Variants in LAMA4 observed in about 807,000 individuals in gnomAD.
The protein encoded by LAMA4 is laminin subunit alpha-4.
A neutral mutation model predicts 207.1 loss-of-function variants in LAMA4; 127 were observed. That is an observed-to-expected ratio of 0.61 (90% confidence interval 0.53 to 0.71). LAMA4 has a LOEUF of 0.71. Among genes scored for constraint, LAMA4 ranks in the 30% least tolerant of loss-of-function variants. The probability of loss-of-function intolerance (pLI) is 0.00; values close to 1 mark genes in which losing one functional copy is unlikely to be tolerated. For missense variants in LAMA4, 2,093 were observed against 2,246.5 expected, an observed-to-expected ratio of 0.93 and a Z score of 1.38; for synonymous variants, 761 against 816.0, an observed-to-expected ratio of 0.93 and a Z score of 1.15.
intron 2 of LAMA4, chr6:112,234,322 GT>G (rs1204754220): frequency 6.6e-6 from 1 of 151,904 alleles, no homozygotes; most frequent in Non-Finnish European, 1.5e-5. Context: ...GGTGCACCTG[GT>G]TTTTCAATAC....
chr6:112,203,387 A>G (rs1783872501), intron 4 of LAMA4, among the ~76,000 whole-genome samples: 3 of 152,228 alleles, frequency 2.0e-5, no homozygotes, highest in Non-Finnish European at 4.4e-5. Context: ...TCAATGTTTC[A>G]AAATGTAATT....
chr6:112,166,295 T>G (rs1201794767), intron 12 of LAMA4: 1 of 151,906 alleles, frequency 6.6e-6, no homozygotes, highest in Non-Finnish European at 1.5e-5. Context: ...AAGAATCACA[T>G]TTGAACATCC....
At chr6:112,204,556 G>A (rs1043770956) in intron 4 of LAMA4, among the ~76,000 whole-genome samples, 5 of 151,708 alleles carry the variant, frequency 3.3e-5, no homozygotes, top group African/African-American at 4.9e-5. Flanking sequence ...GTTTATGAGA[G>A]AATGAGTGAA....
Position 112,109,467 on chromosome 6 carries a change from G to C in LAMA4, c.5442C>G (p.Ala1814=). 6.2e-7 allele frequency: 1 copy of C among 1,613,988 alleles called. No individual in the cohort carries two copies. The highest frequency in any genetic ancestry group is 8.5e-7 in the Non-Finnish European group (1 of 1,179,994). ...CTGCTGGACAGGAGTTGATGCTTAC[G>C]GCGCCGCTGACCAGGGCTGCTTTAC... The part of the protein sequence containing the change: ...SFSKAALVSG[A]VSINSCPAA Residue 1814 remains alanine, a synonymous_variant, in exon 39 of 39, where the codon GCC becomes GCG. Coordinates refer to ENST00000230538, the MANE Select transcript of LAMA4 (RefSeq NM_001105206.3).
intron 2 of LAMA4, among the ~76,000 whole-genome samples, chr6:112,245,895 T>G (rs529524822): frequency 2.0e-5 from 3 of 152,310 alleles, no homozygotes; most frequent in East Asian, 3.9e-4. Context: ...TTTAACAGAA[T>G]TTGTTTATGT....
chr6:112,219,874 C>A (rs556637320), intron 2 of LAMA4, among the ~76,000 whole-genome samples: 2 of 152,216 alleles, frequency 1.3e-5, no homozygotes, highest in East Asian at 3.9e-4. Flanking sequence ...CCGGCTAATA[C>A]AGATAAGAAA....
chr6:112,149,675 T>G (rs1363715559), intron 17 of LAMA4, among the ~76,000 whole-genome samples: 3 of 152,200 alleles, frequency 2.0e-5, no homozygotes, highest in East Asian at 1.9e-4. Flanking sequence ...TGTTGGCTAT[T>G]TCTTCATAGC....
chr6:112,243,922 G>A (rs542808327), intron 2 of LAMA4, among the ~76,000 whole-genome samples: 1 of 152,278 alleles, frequency 6.6e-6, no homozygotes, highest in Non-Finnish European at 1.5e-5. Context: ...GCTGGGCATG[G>A]TGGCGGGTGC....
chr6:112,252,215 C>A (rs538924849), intron 2 of LAMA4, among the ~76,000 whole-genome samples: 4 of 152,328 alleles, frequency 2.6e-5, no homozygotes, highest in African/African-American at 9.6e-5. Flanking sequence ...ATCAGTTTAT[C>A]TGCAGTCTGG....
intron 2 of LAMA4, chr6:112,218,882 T>C (rs1376318811): frequency 1.3e-5 from 2 of 152,284 alleles, no homozygotes; most frequent in Non-Finnish European, 2.9e-5. Context: ...TGCTGGGCCT[T>C]GTCCACCTGA....
rs147118520 is a variant in LAMA4, at chr6:112,253,812, A to G, written c.195+144T>C. 0.014 allele frequency: 22,492 copies of G among 1,614,196 alleles called. 232 individuals are homozygous for G. The highest frequency in any genetic ancestry group is 0.015 in the Non-Finnish European group (17,416 of 1,180,018). On this transcript the variant is annotated intron_variant, in intron 2 of 38. Coordinates refer to ENST00000230538, the MANE Select transcript of LAMA4 (RefSeq NM_001105206.3). ...CTTACAAAGGAAAACTCTTTATTTC[A>G]AGTTTCCGAACTGACCTAGCCCAGG...
intron 2 of LAMA4, among the ~76,000 whole-genome samples, chr6:112,246,000 T>C (rs1450735279): frequency 1.3e-5 from 2 of 152,320 alleles, no homozygotes; most frequent in African/African-American, 4.8e-5. Context: ...TTTCTCATGA[T>C]AAAAAGACTC....
intron 2 of LAMA4, among the ~76,000 whole-genome samples, chr6:112,232,061 TA>T (rs1386394200): frequency 2.0e-5 from 3 of 152,194 alleles, no homozygotes; most frequent in Non-Finnish European, 4.4e-5. Flanking sequence ...GTCAAACACC[TA>T]AAAAGCCTCA....
chr6:112,114,225 G>T lies in LAMA4; in HGVS notation c.5207-30C>A, dbSNP rs782281404. On this transcript the variant is annotated intron_variant, in intron 37 of 38. Transcript: ENST00000230538. ...AATGCAGGGCAAAGACTGGTCATAA[G>T]TGGCACTGGAGTGATGAATTTTTAA... 2.5e-6 allele frequency: 4 copies of T among 1,606,534 alleles called. No individual in the cohort carries two copies. In the South Asian group the frequency reaches 3.3e-5, roughly 13 times the overall value.
Position 112,207,089 on chromosome 6 carries a change from G to A in LAMA4, c.354C>T (p.Ile118=), listed in dbSNP as rs144933976. Residue 118 remains isoleucine, a synonymous_variant, in exon 4 of 39, where the codon ATC becomes ATT. Transcript: ENST00000230538. ...GGGGTGCTCCCCTGATGGAATCTCC[G>A]ATATAACCATCCAGACACTTTTCAC... is the stretch of plus-strand genomic sequence containing the variant. The part of the protein sequence containing the change: ...EHCEKCLDGY[I]GDSIRGAPQF... The A allele has an allele frequency of 2.7e-5, 44 of 1,613,926 alleles. No homozygotes were observed. In the African/African-American group the frequency reaches 3.2e-4, roughly 12 times the overall value.
chr6:112,158,632 C>T (rs1185732956), intron 14 of LAMA4, 100 bp downstream of exon 14: 1 of 1,222,456 alleles, frequency 8.2e-7, no homozygotes. Context: ...CTTAATCAAC[C>T]TGGTAAAATT....
intron 2 of LAMA4, among the ~76,000 whole-genome samples, chr6:112,240,847 A>C (rs1554187501): frequency 6.6e-6 from 1 of 152,070 alleles, no homozygotes; most frequent in Non-Finnish European, 1.5e-5. Context: ...TGCTGTGACA[A>C]ATATAGGAGT....
At position 112,155,600 on chromosome 6, in the gene LAMA4, CT is replaced by C. The variant is rs1780660655; in HGVS notation, c.1923del (p.Glu642AsnfsTer4). 1 of 1,614,042 alleles carries C rather than the reference CT, an allele frequency of 6.2e-7. No homozygotes were observed. On this transcript the variant is annotated frameshift_variant, in exon 15 of 39. Transcript: ENST00000230538. LOFTEE classifies it high-confidence loss of function. The part of the protein sequence containing the change: ...VNYVSEANET[A>X]EFALNTTDRI... ...CGGTCAGTGGTGTTCAAAGCAAATT[CT>C]GCTGTTTCATTGGCTTCACTAACAT...
In LAMA4 at chr6:112,246,201, G is replaced by A. The variant is rs1584009844; in HGVS notation, c.195+7755C>T. Among the ~76,000 whole-genome samples, 3 of 152,098 alleles carry A rather than the reference G, an allele frequency of 2.0e-5. No homozygotes were observed. The East Asian group carries it at 5.8e-4, about 29-fold the overall frequency. The stretch of plus-strand genomic sequence containing the variant: ...TGCTGCTCTTTTGCAAATATGAGTA[G>A]GTATTTAAATATTCTTCTGTATGGT... On this transcript the variant is annotated intron_variant, in intron 2 of 38. Coordinates refer to ENST00000230538, the MANE Select transcript of LAMA4 (RefSeq NM_001105206.3).
Sources: allele counts gnomAD v4.1 joint callset (sites outside exome capture counted in the v4.1 genomes callset), GRCh38; gene constraint gnomAD v4.1.1; transcripts MANE v1.5; gene names NCBI Gene and HGNC (gene_info 2026-07-23, HGNC 2026-07-21).